PPFIA2: variants seen among roughly 807,000 people sequenced by gnomAD.
PPFIA2 encodes liprin-alpha-2.
PPFIA2 carries 46 observed loss-of-function variants against 175.5 expected under a neutral mutation model. That is an observed-to-expected ratio of 0.26 (90% CI 0.21 to 0.34). The LOEUF is 0.34. Ranked by LOEUF, PPFIA2 falls within the 10% of genes least tolerant of loss-of-function variation. The probability of loss-of-function intolerance (pLI) is 1.00; values close to 1 mark genes in which losing one functional copy is unlikely to be tolerated. For missense variants in PPFIA2, 1,179 were observed against 1,506.1 expected (o/e 0.78, Z 3.60); for synonymous variants, 568 against 511.4 (o/e 1.11, Z -1.49).
chr12:81,267,069 T>A, intron 29 of PPFIA2, 49 bp from the exon 30 acceptor site: 1 of 1,373,568 alleles, frequency 7.3e-7, no homozygotes, highest in Non-Finnish European at 1.0e-6. Flanking sequence ...CATTTTATTT[T>A]AAAAATCAAG....
intron 3 of PPFIA2, among the ~76,000 whole-genome samples, chr12:81,717,159 C>A (rs1206252739): frequency 6.6e-6 from 1 of 151,678 alleles, no homozygotes; most frequent in Non-Finnish European, 1.5e-5. Flanking sequence ...TTCAAATTTG[C>A]TTTTGTACCA....
At chr12:81,544,198 G>A (rs2153350598) in intron 4 of PPFIA2, among the ~76,000 whole-genome samples, 1 of 152,214 alleles carries the variant, frequency 6.6e-6, no homozygotes, top group South Asian at 2.1e-4. Context: ...CAATTTTTCT[G>A]TAACCCTAAA....
intron 9 of PPFIA2, among the ~76,000 whole-genome samples, chr12:81,382,914 C>T (rs973968535): frequency 3.3e-5 from 5 of 152,024 alleles, no homozygotes; most frequent in African/African-American, 7.3e-5. Flanking sequence ...GGAAGACACT[C>T]CAAGGTCGGG....
intron 4 of PPFIA2, among the ~76,000 whole-genome samples, chr12:81,671,034 C>T (rs1048884594): frequency 6.6e-6 from 1 of 151,904 alleles, no homozygotes; most frequent in South Asian, 2.1e-4. Flanking sequence ...TTCTACATGT[C>T]CAAATAAATA....
chr12:81,492,635 AG>A (rs1272941720), intron 4 of PPFIA2, among the ~76,000 whole-genome samples: 1 of 152,030 alleles, frequency 6.6e-6, no homozygotes, highest in Non-Finnish European at 1.5e-5. Context: ...GAGATGACAG[AG>A]TACTTGAAGC....
At chr12:81,337,605 G>C (rs139225408) in intron 21 of PPFIA2, among the ~76,000 whole-genome samples, 2 of 152,062 alleles carry the variant, frequency 1.3e-5, no homozygotes, top group East Asian at 3.9e-4. Context: ...TCTCATCAAA[G>C]TTAAATATGA....
At chr12:81,433,926 T>G (rs1388991411) in intron 7 of PPFIA2, among the ~76,000 whole-genome samples, 1 of 152,138 alleles carries the variant, frequency 6.6e-6, no homozygotes, top group Non-Finnish European at 1.5e-5. Context: ...ATTAGCCTGT[T>G]GGCAAAGAAT....
At chr12:81,423,566 C>T (rs910472085) in intron 7 of PPFIA2, among the ~76,000 whole-genome samples, 1 of 151,980 alleles carries the variant, frequency 6.6e-6, no homozygotes, top group African/African-American at 2.4e-5. Flanking sequence ...AAAATATTCT[C>T]AACAAAATTG....
chr12:81,395,221 T>C (rs537934523), intron 8 of PPFIA2, among the ~76,000 whole-genome samples: 1 of 151,924 alleles, frequency 6.6e-6, no homozygotes, highest in East Asian at 1.9e-4. Flanking sequence ...GAGATAACAA[T>C]CACAGTAACT....
intron 4 of PPFIA2, among the ~76,000 whole-genome samples, chr12:81,659,742 C>G (rs566476394): frequency 6.6e-6 from 1 of 152,294 alleles, no homozygotes; most frequent in South Asian, 2.1e-4. Context: ...GATCTGAGAA[C>G]GGACAGACTG....
At chr12:81,671,762 T>C (rs139055657) in intron 4 of PPFIA2, among the ~76,000 whole-genome samples, 192 of 152,094 alleles carry the variant, frequency 1.3e-3, no homozygotes, top group Non-Finnish European at 2.0e-3. Context: ...CGTTATTTTC[T>C]CATTTTTTAC....
intron 21 of PPFIA2, among the ~76,000 whole-genome samples, chr12:81,335,172 A>C (rs1409482015): frequency 2.0e-5 from 3 of 152,174 alleles, no homozygotes; most frequent in Non-Finnish European, 2.9e-5. Flanking sequence ...ATATTTGGAG[A>C]TAATGGCAAG....
intron 4 of PPFIA2, among the ~76,000 whole-genome samples, chr12:81,675,227 T>G (rs1404633619): frequency 6.7e-6 from 1 of 148,598 alleles, no homozygotes; most frequent in African/African-American, 2.4e-5. Context: ...CACACATATA[T>G]ATATAGAGAG....
chr12:81,532,584 C>T (rs2064749479), intron 4 of PPFIA2, among the ~76,000 whole-genome samples: 1 of 151,754 alleles, frequency 6.6e-6, no homozygotes, highest in Non-Finnish European at 1.5e-5. Flanking sequence ...AAATACTATA[C>T]AGTTAGAAAT....
At chr12:81,404,568 A>C (rs1897487) in intron 8 of PPFIA2, among the ~76,000 whole-genome samples, 141,963 of 152,226 alleles carry the variant, frequency 0.93, 66,342 homozygotes, top group East Asian at 1. Context: ...ATCTCAGATA[A>C]AGCTAATGAA....
rs753303133 is a variant in PPFIA2 at position 81,262,051 on chromosome 12, A to C, written c.3716-11T>G. 1 of 1,563,536 alleles carries C rather than the reference A, an allele frequency of 6.4e-7. No individual in the cohort carries two copies. The highest frequency in any genetic ancestry group is 1.1e-5 in the South Asian group (1 of 87,660). ...GTCTTGATGAAGCAACTGCAAATGG[A>C]GAAAAGGGCTTTAGAGGGACTTGGA... On this transcript the variant is annotated splice_polypyrimidine_tract_variant and intron_variant, in intron 31 of 32. Coordinates refer to ENST00000549396, the MANE Select transcript of PPFIA2 (RefSeq NM_003625.5).
At chr12:81,435,638 A>T (rs2048846715) in intron 7 of PPFIA2, among the ~76,000 whole-genome samples, 1 of 152,144 alleles carries the variant, frequency 6.6e-6, no homozygotes, top group Non-Finnish European at 1.5e-5. Flanking sequence ...TAGATGAGAG[A>T]ATAAAGCATA....
intron 3 of PPFIA2, among the ~76,000 whole-genome samples, chr12:81,735,160 GT>G (rs1463467591): frequency 6.6e-6 from 1 of 151,760 alleles, no homozygotes; most frequent in Non-Finnish European, 1.5e-5. Flanking sequence ...ATTTCTAGGA[GT>G]AAATTTTTTT....
intron 4 of PPFIA2, among the ~76,000 whole-genome samples, chr12:81,600,043 C>T (rs928238423): frequency 6.6e-6 from 1 of 151,920 alleles, no homozygotes; most frequent in Admixed American, 6.6e-5. Context: ...GGTTTCTCTA[C>T]TATAAAGTTA....
Sources: gnomAD v4.1 joint callset for allele counts (sites outside exome capture counted in the v4.1 genomes callset) on GRCh38, gnomAD v4.1.1 for gene constraint, MANE v1.5 for transcripts, NCBI Gene and HGNC (gene_info 2026-07-23, HGNC 2026-07-21) for gene names.